Variants in LENG8 observed in about 807,000 individuals in gnomAD.
LENG8 encodes the protein leukocyte receptor cluster member 8, also known as leukocyte receptor cluster (LRC) member 8.
Under a neutral mutation model 102.1 loss-of-function variants are expected in LENG8, and 28 were observed. The observed-to-expected ratio is 0.27, with a 90% confidence interval of 0.20 to 0.38. The LOEUF (loss-of-function observed/expected upper bound fraction) is 0.38, where lower values mean the gene tolerates loss of function less well. LENG8 is among the 10% of genes least tolerant of loss of function. The pLI is 1.00. For missense variants in LENG8, 1,022 were observed against 1,113.9 expected, an observed-to-expected ratio of 0.92 and a Z score of 1.17; for synonymous variants, 531 against 456.7, an observed-to-expected ratio of 1.16 and a Z score of -2.07.
chr19:54,460,589 C>T, intron 15 of LENG8, 177 bp from the exon 16 acceptor site: 1 of 1,413,944 alleles, frequency 7.1e-7, no homozygotes. Flanking sequence ...TCACTAACCC[C>T]CCCCGGGCCC....
At chr19:54,458,283 G>T in intron 14 of LENG8, 31 bp from the exon 15 acceptor site, 1 of 1,613,310 alleles carries the variant, frequency 6.2e-7, no homozygotes, top group East Asian at 2.2e-5. Context: ...GTTGAGCCCT[G>T]CTGACTTCAC....
intron 15 of LENG8, 47 bp from the exon 16 acceptor site, chr19:54,460,719 G>GGGGCCCCCCCCC: frequency 1.3e-6 from 1 of 778,918 alleles, no homozygotes; most frequent in Non-Finnish European, 1.8e-6. Flanking sequence ...GCCCTCCCCT[G>GGGGCCCCCCCCC]CCCTCCCGCC....
Position 54,460,854 on chromosome 19 carries a change from G to A in LENG8, c.2329G>A (p.Gly777Ser). The A allele has an allele frequency of 6.4e-7, 1 of 1,569,758 alleles. No individual in the cohort carries two copies. The highest frequency in any genetic ancestry group is 8.6e-7 in the Non-Finnish European group (1 of 1,158,744). Residue 777 changes from glycine (G) to serine (S), a missense_variant, in exon 16 of 16, where the codon GGC becomes AGC. Physicochemically the swap from Gly to Ser is moderately conservative, Grantham distance 56 (BLOSUM62 0). Transcript: ENST00000326764. ...CTGCCGGGCCTTCCTAGAGCCCCTG[G>A]GCCTGGCCTACACGGGCCCGGACAA... Reference protein sequence around the residue: ...AACRAFLEPLGLAYTGPDNSS... With the variant: ...AACRAFLEPLSLAYTGPDNSS...
At position 54,454,751 on chromosome 19, in the gene LENG8, C is replaced by T. The variant is rs1359563881; in HGVS notation, c.679+69C>T. 1.6e-5 allele frequency: 24 copies of T among 1,496,394 alleles called. No homozygotes were observed. The African/African-American group carries it at 1.9e-4, about 12-fold the overall frequency. The allele number at this position is 1,496,394 out of a possible 1,614,324, so 92.7% of individuals were successfully genotyped here. The stretch of plus-strand genomic sequence containing the variant: ...CATAAGAGCTCCTGGGTGTGAGGCC[C>T]GTGGTGTGTGCTGCTCCTTGTTTCT... On this transcript the variant is annotated intron_variant, in intron 6 of 15. Coordinates refer to ENST00000326764, the MANE Select transcript of LENG8 (RefSeq NM_052925.4).
intron 7 of LENG8, 48 bp downstream of exon 7, chr19:54,455,140 G>A: frequency 6.2e-7 from 1 of 1,611,434 alleles, no homozygotes; most frequent in African/African-American, 1.3e-5. Context: ...TCTGCACTCA[G>A]CGTCTATGGT....
At position 54,461,675 on chromosome 19, in the gene LENG8, A is replaced by G. The variant is rs767445746; in HGVS notation, c.*747A>G. 8 of 475,346 alleles carry G rather than the reference A, an allele frequency of 1.7e-5. No homozygotes were observed. The highest frequency in any genetic ancestry group is 1.1e-4 in the South Asian group (7 of 64,534). The allele number at this position is 475,346 out of a possible 1,614,324, so 29.4% of individuals were successfully genotyped here. On this transcript the variant is annotated 3_prime_UTR_variant, in exon 16 of 16. Coordinates refer to ENST00000326764, the MANE Select transcript of LENG8 (RefSeq NM_052925.4). ...CTCCGCATTCTTCCCTTGGTTCAGC[A>G]CAGGTAAAACGGTTCCCCTCCCTCC...
At position 54,457,988 on chromosome 19, in the gene LENG8, A is replaced by G. The variant is rs1227279416; in HGVS notation, c.1888A>G (p.Ile630Val). ...GGAGGTGTACGAGACCCATGCCCGG[A>G]TCGCCTTGGAGAAGGTGAGCTGGCC... ...TVEVYETHAR[I>V]ALEKGDHEEF... is the part of the protein sequence containing the mutation. The change falls in exon 13 of 16, where the codon ATC becomes GTC. Residue 630 changes from isoleucine to valine, a missense_variant. By Grantham distance (29) the Ile-to-Val change is conservative. Coordinates refer to ENST00000326764, the MANE Select transcript of LENG8 (RefSeq NM_052925.4). 6.2e-7 allele frequency: 1 copy of G among 1,613,610 alleles called. No individual in the cohort carries two copies. The highest frequency in any genetic ancestry group is 1.1e-5 in the South Asian group (1 of 91,078).
rs752963371 is a variant in LENG8 at position 54,458,090 on chromosome 19, C to T, written c.1903-13C>T. Reference sequence around the variant, plus strand: ...TCACTCTGCTCTCCTCCCTCGGTGCCTCTGCCTTCCAGGGTGACCATGAAG... The same window carrying T: ...TCACTCTGCTCTCCTCCCTCGGTGCTTCTGCCTTCCAGGGTGACCATGAAG... On this transcript the variant is annotated splice_polypyrimidine_tract_variant and intron_variant, in intron 13 of 15. Coordinates refer to ENST00000326764, the MANE Select transcript of LENG8 (RefSeq NM_052925.4). 2.5e-6 allele frequency: 4 copies of T among 1,612,408 alleles called. No individual in the cohort carries two copies. Among genetic ancestry groups the T allele is most frequent in the African/African-American group, 2.7e-5 (2 of 74,940 alleles).
At chr19:54,456,303 A>G in intron 9 of LENG8, 22 bp from the exon 10 acceptor site, 1 of 1,613,470 alleles carries the variant, frequency 6.2e-7, no homozygotes, top group Non-Finnish European at 8.5e-7. Flanking sequence ...TTCAGGCCTG[A>G]CCCTCCTGCT....
chr19:54,461,953 C>T lies in LENG8; in HGVS notation c.*1025C>T, dbSNP rs1274474170. On this transcript the variant is annotated 3_prime_UTR_variant, in exon 16 of 16. Transcript: ENST00000326764. ...TCCTTTTCCTTCCTTCCTTCCTTTC[C>T]TTGGAGCACTGAGCACCATTTGGAA... 1 of 1,037,494 alleles carries T rather than the reference C, an allele frequency of 9.6e-7. No individual in the cohort carries two copies. Among genetic ancestry groups the T allele is most frequent in the Non-Finnish European group, 1.5e-6 (1 of 662,878 alleles). 64.3% of individuals were successfully genotyped at this position (1,037,494 alleles called of 1,614,324 possible).
chr19:54,453,610 C>T lies in LENG8; in HGVS notation c.380C>T (p.Thr127Ile). 6.2e-7 allele frequency: 1 copy of T among 1,614,044 alleles called. No individual in the cohort carries two copies. Among genetic ancestry groups the T allele is most frequent in the Non-Finnish European group, 8.5e-7 (1 of 1,180,008 alleles). The change falls in exon 5 of 16, where the codon ACA becomes ATA. Residue 127 changes from threonine (T) to isoleucine (I), a missense_variant. Physicochemically the swap from Thr to Ile is moderately conservative, Grantham distance 89. Transcript: ENST00000326764. ...YGMAGSYGSATPQQPSAPQHQ... is the reference protein window; with the variant it reads ...YGMAGSYGSAIPQQPSAPQHQ... ...ATGGCCGGCTCCTATGGCTCAGCCACACCCCAGCAGCCATCCGCACCCCAA... is the reference window on the plus strand; with the variant it reads ...ATGGCCGGCTCCTATGGCTCAGCCATACCCCAGCAGCCATCCGCACCCCAA...
intron 10 of LENG8, 58 bp from the exon 11 acceptor site, chr19:54,456,578 G>A (rs1452019880): frequency 9.0e-6 from 14 of 1,552,226 alleles, no homozygotes; most frequent in African/African-American, 6.8e-5. Context: ...CCAAAGGGGC[G>A]AGGCTGAAGG....
rs1022868587 is a variant in LENG8, at chr19:54,461,876, C to T, written c.*948C>T. On this transcript the variant is annotated 3_prime_UTR_variant, in exon 16 of 16. Coordinates refer to ENST00000326764, the MANE Select transcript of LENG8 (RefSeq NM_052925.4). ...GTTTGCAAACAGCTGGACTGTCAGG[C>T]TGCTTTTTTTCCAGATGTTCCTCCT... The T allele has an allele frequency of 7.0e-6, 5 of 717,264 alleles. No homozygotes were observed. The African/African-American group carries it at 8.7e-5, about 13-fold the overall frequency. The allele number at this position is 717,264 out of a possible 1,614,324, so 44.4% of individuals were successfully genotyped here.
rs767455476 is a variant in LENG8 at position 54,457,993 on chromosome 19, C to T, written c.1893C>T (p.Ala631=). The T allele has an allele frequency of 6.2e-7, 1 of 1,613,564 alleles. No homozygotes were observed. The highest frequency in any genetic ancestry group is 8.5e-7 in the Non-Finnish European group (1 of 1,180,044). ...TGTACGAGACCCATGCCCGGATCGC[C>T]TTGGAGAAGGTGAGCTGGCCTCTGC... The part of the protein sequence containing the change: ...VEVYETHARI[A]LEKGDHEEFN... The change falls in exon 13 of 16, where the codon GCC becomes GCT. Residue 631 remains alanine, a synonymous_variant. Transcript: ENST00000326764.
At chr19:54,455,793 C>T (rs1051142916) in intron 8 of LENG8, among the ~76,000 whole-genome samples, 174 bp from the exon 9 acceptor site, 5 of 152,096 alleles carry the variant, frequency 3.3e-5, no homozygotes, top group Non-Finnish European at 7.4e-5. Context: ...TTAAGCGCAC[C>T]CTCTGGAGAC....
chr19:54,460,692 G>A (rs1420011902), intron 15 of LENG8, 74 bp from the exon 16 acceptor site: 5 of 1,448,612 alleles, frequency 3.5e-6, no homozygotes, highest in South Asian at 1.4e-5. Context: ...GAATGGGGGG[G>A]CCTCCCCGCT....
intron 6 of LENG8, 34 bp downstream of exon 6, chr19:54,454,716 G>A (rs1380302717): frequency 5.1e-6 from 8 of 1,555,108 alleles, no homozygotes; most frequent in Non-Finnish European, 6.9e-6. Flanking sequence ...GGTCCGAGCG[G>A]TTGGGCCCTC....
At chr19:54,451,417 A>T (rs1315183714) in intron 2 of LENG8, 35 bp downstream of exon 2, 3 of 1,609,800 alleles carry the variant, frequency 1.9e-6, no homozygotes, top group Non-Finnish European at 2.6e-6. Context: ...GCCAGTCGGG[A>T]GGGAAAGAGG....
intron 12 of LENG8, 24 bp from the exon 13 acceptor site, chr19:54,457,910 C>G: frequency 1.2e-6 from 2 of 1,614,036 alleles, no homozygotes; most frequent in South Asian, 2.2e-5. Context: ...CCTTGTGACT[C>G]TTGTTCTCGC....
Sources: gnomAD v4.1 joint callset for allele counts (sites outside exome capture counted in the v4.1 genomes callset) on GRCh38, gnomAD v4.1.1 for gene constraint, MANE v1.5 for transcripts, NCBI Gene and HGNC (gene_info 2026-07-23, HGNC 2026-07-21) for gene names.